Variants in REEP1 observed in about 807,000 individuals in gnomAD.
REEP1 encodes the protein receptor expression-enhancing protein 1.
Under a neutral mutation model 40.3 loss-of-function variants are expected in REEP1, and 22 were observed. The observed-to-expected ratio is 0.55, with a 90% CI of 0.39 to 0.78. The LOEUF (loss-of-function observed/expected upper bound fraction) is 0.78. REEP1 is among the 30% of genes least tolerant of loss of function. REEP1 has a pLI of 0.00. For missense variants in REEP1, 280 were observed against 361.1 expected (o/e 0.78, Z 1.82); for synonymous variants, 116 against 139.2 (o/e 0.83, Z 1.17).
rs190771436 is a variant in REEP1 at position 86,332,031 on chromosome 2, T to C, written c.32+5448A>G. Reference sequence around the variant, plus strand: ...GAAATCCCTACTGTGTGCCCAATAGTTGGTCCTTGATCTATATTTCCTTTT... The same window carrying C: ...GAAATCCCTACTGTGTGCCCAATAGCTGGTCCTTGATCTATATTTCCTTTT... On this transcript the variant is annotated intron_variant, in intron 1 of 8. Transcript: ENST00000538924. Among the ~76,000 whole-genome samples, 233 of 152,254 alleles carry C rather than the reference T, an allele frequency of 1.5e-3. 1 individual carries two copies. The highest frequency in any genetic ancestry group is 4.7e-3 in the African/African-American group (196 of 41,550).
intron 2 of REEP1, among the ~76,000 whole-genome samples, chr2:86,269,323 G>A (rs1677312515): frequency 6.6e-6 from 1 of 152,110 alleles, no homozygotes; most frequent in Admixed American, 6.5e-5. Flanking sequence ...CTTTGACCCT[G>A]AACTCCACTG....
At chr2:86,242,612 A>G (rs1473684678) in intron 5 of REEP1, among the ~76,000 whole-genome samples, 1 of 152,180 alleles carries the variant, frequency 6.6e-6, no homozygotes, top group Non-Finnish European at 1.5e-5. Flanking sequence ...CAAGAAAGAG[A>G]AAATTCTGGA....
chr2:86,319,578 T>C (rs115350237), intron 1 of REEP1, among the ~76,000 whole-genome samples: 4,589 of 152,206 alleles, frequency 0.03, 117 homozygotes, highest in East Asian at 0.07. Flanking sequence ...ACCTCTGGTT[T>C]CAGCTACTTG....
intron 2 of REEP1, among the ~76,000 whole-genome samples, chr2:86,269,865 A>G (rs908318841): frequency 6.6e-6 from 1 of 152,082 alleles, no homozygotes; most frequent in African/African-American, 2.4e-5. Context: ...TTAAAACTCA[A>G]CAATAAGAAA....
At chr2:86,282,628 A>G (rs1276500692) in intron 1 of REEP1, among the ~76,000 whole-genome samples, 1 of 152,078 alleles carries the variant, frequency 6.6e-6, no homozygotes, top group Non-Finnish European at 1.5e-5. Context: ...TTTCTCCATC[A>G]AAACCTTTCC....
intron 5 of REEP1, among the ~76,000 whole-genome samples, chr2:86,248,278 T>C (rs773921901): frequency 2.6e-5 from 4 of 152,128 alleles, no homozygotes; most frequent in Non-Finnish European, 4.4e-5. Flanking sequence ...CTAAATGCAG[T>C]AGATACTGAG....
intron 6 of REEP1, among the ~76,000 whole-genome samples, chr2:86,231,993 G>A (rs1368131546): frequency 1.3e-5 from 2 of 152,158 alleles, no homozygotes; most frequent in Non-Finnish European, 2.9e-5. Flanking sequence ...ATCCCACGAT[G>A]GGCGTGTGAC....
chr2:86,235,186 G>A (rs1675248822), intron 5 of REEP1, among the ~76,000 whole-genome samples: 1 of 152,204 alleles, frequency 6.6e-6, no homozygotes, highest in Admixed American at 6.5e-5. Context: ...TGAGAAAGCG[G>A]AGAACGACAA....
chr2:86,265,786 A>T (rs2104312610), intron 2 of REEP1, among the ~76,000 whole-genome samples: 1 of 152,278 alleles, frequency 6.6e-6, no homozygotes, highest in Admixed American at 6.5e-5. Context: ...AGACTTGAAA[A>T]GGTGGGAAGG....
intron 1 of REEP1, among the ~76,000 whole-genome samples, chr2:86,313,457 T>C (rs895402958): frequency 6.6e-6 from 1 of 152,186 alleles, no homozygotes; most frequent in Non-Finnish European, 1.5e-5. Context: ...TTTCTTATAC[T>C]GAGAAGTTTG....
chr2:86,297,390 G>A lies in REEP1; in HGVS notation c.33-15148C>T, dbSNP rs183721333. 6.6e-5 allele frequency among the ~76,000 whole-genome samples: 10 copies of A among 152,312 alleles called. No individual in the cohort carries two copies. In the East Asian group the frequency reaches 7.7e-4, roughly 12 times the overall value. The stretch of plus-strand genomic sequence containing the variant: ...TGTGGTGTCAAATGGGATAATATAC[G>A]TTATGATACTTGAAAATGGAAATGC... On this transcript the variant is annotated intron_variant, in intron 1 of 8. Transcript: ENST00000538924.
At chr2:86,325,922 C>G (rs1488336953) in intron 1 of REEP1, among the ~76,000 whole-genome samples, 1 of 152,196 alleles carries the variant, frequency 6.6e-6, no homozygotes, top group African/African-American at 2.4e-5. Flanking sequence ...TCCCACTTAG[C>G]ACACCCTGTC....
intron 5 of REEP1, among the ~76,000 whole-genome samples, chr2:86,242,192 T>G (rs1675702635): frequency 6.6e-6 from 1 of 152,200 alleles, no homozygotes; most frequent in Admixed American, 6.5e-5. Flanking sequence ...TGGCAGGTAC[T>G]ATGATCATCC....
At chr2:86,296,008 G>C (rs777723376) in intron 1 of REEP1, among the ~76,000 whole-genome samples, 5 of 149,814 alleles carry the variant, frequency 3.3e-5, no homozygotes, top group Non-Finnish European at 7.4e-5. Context: ...GTAGCTCTGA[G>C]CATGGAAATG....
At position 86,237,712 on chromosome 2, in the gene REEP1, G is replaced by A. The variant is rs183069768; in HGVS notation, c.418-4910C>T. Among the ~76,000 whole-genome samples, 597 of 152,036 alleles carry A rather than the reference G, an allele frequency of 3.9e-3. 4 individuals carry two copies. The highest frequency in any genetic ancestry group is 0.014 in the African/African-American group (565 of 41,484). On this transcript the variant is annotated intron_variant, in intron 5 of 8. Coordinates refer to ENST00000538924, the MANE Select transcript of REEP1 (RefSeq NM_001371279.1). ...TAATTTTTGTATTTTTAGTAGAGAC[G>A]GGGTTTCACCTTATTGGTCAGGCTG...
intron 5 of REEP1, among the ~76,000 whole-genome samples, chr2:86,245,030 C>G (rs1558884154): frequency 6.6e-6 from 1 of 152,156 alleles, no homozygotes; most frequent in Non-Finnish European, 1.5e-5. Flanking sequence ...CCTGTAATCC[C>G]AGCTACTCGG....
intron 1 of REEP1, among the ~76,000 whole-genome samples, chr2:86,318,678 G>A (rs912063503): frequency 1.3e-5 from 2 of 152,038 alleles, no homozygotes; most frequent in African/African-American, 2.4e-5. Flanking sequence ...GATTACAGGC[G>A]TGAGCCACTG....
At chr2:86,228,044 C>A (rs1216920630) in intron 6 of REEP1, among the ~76,000 whole-genome samples, 1 of 152,198 alleles carries the variant, frequency 6.6e-6, no homozygotes, top group African/African-American at 2.4e-5. Flanking sequence ...CCATGTCAGT[C>A]CCTGCCTGCC....
In REEP1 at chr2:86,253,124, A is replaced by G. The variant is rs937374803; in HGVS notation, c.304-1054T>C. ...TGGTAAAACCCCATCTCCTCTAAAAATACAAAATGAGTCAGGCATGGTGGC... is the reference window on the plus strand; with the variant it reads ...TGGTAAAACCCCATCTCCTCTAAAAGTACAAAATGAGTCAGGCATGGTGGC... On this transcript the variant is annotated intron_variant, in intron 4 of 8. Coordinates refer to ENST00000538924, the MANE Select transcript of REEP1 (RefSeq NM_001371279.1). 2.0e-5 allele frequency among the ~76,000 whole-genome samples: 3 copies of G among 152,182 alleles called. No individual in the cohort carries two copies. In the East Asian group the frequency reaches 5.8e-4, roughly 29 times the overall value.
Sources: gnomAD v4.1 joint callset for allele counts (sites outside exome capture counted in the v4.1 genomes callset) on GRCh38, gnomAD v4.1.1 for gene constraint, MANE v1.5 for transcripts, NCBI Gene and HGNC (gene_info 2026-07-23, HGNC 2026-07-21) for gene names.